Variants in N4BP2L2 observed in about 807,000 individuals in gnomAD.
The protein encoded by N4BP2L2 is NEDD4-binding protein 2-like 2.
N4BP2L2 carries 50 observed loss-of-function variants against 56.2 expected under a neutral mutation model. That is an observed-to-expected ratio of 0.89 (90% confidence interval 0.71 to 1.13). N4BP2L2 has a LOEUF of 1.13. Among genes scored for constraint, N4BP2L2 ranks in the 50% most tolerant of loss-of-function variants. The pLI, the probability that N4BP2L2 is intolerant of heterozygous loss-of-function variation, is 0.00. For synonymous variants in N4BP2L2, 203 were observed against 223.6 expected (o/e 0.91, Z 0.82); for missense variants, 689 against 693.8 (o/e 0.99, Z 0.08).
At chr13:32,535,939 A>G in exon 2 of N4BP2L2, 1 of 1,614,104 alleles carries the variant, frequency 6.2e-7, no homozygotes, top group Non-Finnish European at 8.5e-7. Context: ...CACAGAAACC[A>G]TTACTCACAT....
At position 32,465,800 on chromosome 13, in the gene N4BP2L2, C is replaced by T. The variant is rs143759187; in HGVS notation, c.366-21674G>A. ...TCCTGAGTAGCTGGGATTATAGGTG[C>T]GTACCACCACTCCTGGCTAATTGTT... On this transcript the variant is annotated intron_variant, in intron 6 of 9. Coordinates refer to the N4BP2L2 transcript ENST00000357505. 1.9e-4 allele frequency among the ~76,000 whole-genome samples: 29 copies of T among 152,182 alleles called. No individual in the cohort carries two copies. In the East Asian group the frequency reaches 5.2e-3, roughly 27 times the overall value.
chr13:32,469,871 A>G (rs1201938873), intron 6 of N4BP2L2, among the ~76,000 whole-genome samples: 2 of 152,240 alleles, frequency 1.3e-5, no homozygotes, highest in Admixed American at 6.5e-5. Context: ...TACCTGCTGC[A>G]GTCAAGTGGA....
At chr13:32,494,542 T>A (rs939710889) in intron 6 of N4BP2L2, among the ~76,000 whole-genome samples, 4 of 151,962 alleles carry the variant, frequency 2.6e-5, no homozygotes, top group Non-Finnish European at 5.9e-5. Flanking sequence ...GGCGTGCAGA[T>A]CACGAGGTCA....
chr13:32,454,616 T>C (rs767746281), intron 6 of N4BP2L2, among the ~76,000 whole-genome samples: 4 of 152,162 alleles, frequency 2.6e-5, no homozygotes, highest in Non-Finnish European at 4.4e-5. Flanking sequence ...CTATTTTAAA[T>C]ATGCTAAAAG....
In N4BP2L2 at chr13:32,447,676, A is replaced by C. The variant is rs73460517; in HGVS notation, c.366-3550T>G. 1.0e-2 allele frequency among the ~76,000 whole-genome samples: 1,522 copies of C among 152,226 alleles called. 27 individuals carry two copies. Among genetic ancestry groups the C allele is most frequent in the African/African-American group, 0.034 (1,403 of 41,524 alleles). On this transcript the variant is annotated intron_variant, in intron 6 of 9. Transcript: ENST00000357505. ...ATAGGCTAATCTGTCATTAAAAAAG[A>C]GTTCAGAAAGTGGAAAAAAAAGAGG...
At chr13:32,448,656 A>T (rs1391950877) in intron 6 of N4BP2L2, among the ~76,000 whole-genome samples, 38 of 152,212 alleles carry the variant, frequency 2.5e-4, no homozygotes, top group Admixed American at 2.5e-3. Context: ...GCATCCAGAT[A>T]AAGCTGAAGA....
At chr13:32,491,737 T>G (rs2087154625) in intron 6 of N4BP2L2, among the ~76,000 whole-genome samples, 1 of 151,206 alleles carries the variant, frequency 6.6e-6, no homozygotes, top group African/African-American at 2.4e-5. Context: ...GTTCAAGCGA[T>G]TCCCCTGCCT....
At chr13:32,459,930 T>C (rs1046538894) in intron 6 of N4BP2L2, among the ~76,000 whole-genome samples, 32 of 152,204 alleles carry the variant, frequency 2.1e-4, no homozygotes, top group Admixed American at 1.4e-3. Context: ...AAATGGAATC[T>C]AACAGTACAT....
chr13:32,483,158 C>T (rs1179102003), intron 6 of N4BP2L2, among the ~76,000 whole-genome samples: 1 of 152,162 alleles, frequency 6.6e-6, no homozygotes, highest in East Asian at 1.9e-4. Flanking sequence ...AAACCCTCTT[C>T]TTACACTTAG....
At chr13:32,445,554 A>G (rs1158541273) in intron 6 of N4BP2L2, among the ~76,000 whole-genome samples, 2 of 152,226 alleles carry the variant, frequency 1.3e-5, no homozygotes, top group Non-Finnish European at 2.9e-5. Flanking sequence ...TGAGTCCGGT[A>G]TTTGAGTGGC....
chr13:32,517,721 T>C (rs2049543914), exon 6 of N4BP2L2: 2 of 1,502,528 alleles, frequency 1.3e-6, no homozygotes, highest in Non-Finnish European at 1.8e-6. Flanking sequence ...TTTTTTTATT[T>C]GAAACTACTT....
At chr13:32,486,945 G>C (rs1003449882) in intron 6 of N4BP2L2, among the ~76,000 whole-genome samples, 3 of 152,104 alleles carry the variant, frequency 2.0e-5, no homozygotes, top group African/African-American at 7.2e-5. Context: ...GTTGCAGTGA[G>C]CCGAGATCAC....
chr13:32,461,941 A>AC (rs2080166354), intron 6 of N4BP2L2, among the ~76,000 whole-genome samples: 1 of 152,302 alleles, frequency 6.6e-6, no homozygotes, highest in South Asian at 2.1e-4. Flanking sequence ...AAATAAAGTA[A>AC]CAGATGCTGG....
intron 5 of N4BP2L2, among the ~76,000 whole-genome samples, chr13:32,521,119 T>C (rs1041439050): frequency 1.3e-5 from 2 of 152,078 alleles, no homozygotes; most frequent in Non-Finnish European, 2.9e-5. Context: ...GGTCCTGTAG[T>C]TGAAAAGATA....
At chr13:32,473,729 G>A (rs1219221491) in intron 6 of N4BP2L2, among the ~76,000 whole-genome samples, 3 of 152,136 alleles carry the variant, frequency 2.0e-5, no homozygotes, top group African/African-American at 7.2e-5. Context: ...TTCAAATCCA[G>A]CAACACTGTC....
exon 3 of N4BP2L2, chr13:32,527,408 C>T: frequency 6.2e-7 from 1 of 1,613,604 alleles, no homozygotes. Context: ...CAAAACAAAC[C>T]TCTGTTCTGG....
intron 3 of N4BP2L2, chr13:32,524,765 T>A (rs2052169110): frequency 6.6e-6 from 1 of 152,094 alleles, no homozygotes; most frequent in African/African-American, 2.4e-5. Context: ...CTAGTTTGTT[T>A]GTTTGTTTGT....
At chr13:32,465,234 G>A (rs979563393) in intron 6 of N4BP2L2, among the ~76,000 whole-genome samples, 54 of 152,174 alleles carry the variant, frequency 3.5e-4, no homozygotes, top group African/African-American at 1.3e-3. Flanking sequence ...CAAAGTGCTG[G>A]GATTACAGGT....
At chr13:32,517,763 C>T (rs1468389727) in exon 6 of N4BP2L2, 2 of 1,602,040 alleles carry the variant, frequency 1.2e-6, no homozygotes, top group Admixed American at 3.4e-5. Context: ...AACTCTTTTT[C>T]AAGTGCAACA....
Sources: allele counts gnomAD v4.1 joint callset (sites outside exome capture counted in the v4.1 genomes callset), GRCh38; gene constraint gnomAD v4.1.1; transcripts MANE v1.5; gene names NCBI Gene and HGNC (gene_info 2026-07-23, HGNC 2026-07-21).